Variants in LRP1B observed in about 807,000 individuals in gnomAD.
LRP1B encodes LDL receptor related protein 1B.
A neutral mutation model predicts 556.6 loss-of-function variants in LRP1B; 217 were observed. The ratio of observed to expected loss-of-function variants is 0.39; its 90% CI spans 0.35 to 0.44. The LOEUF is 0.44. LRP1B is among the 20% of genes least tolerant of loss of function. The pLI, the probability that LRP1B is intolerant of heterozygous loss-of-function variation, is 1.00. For synonymous variants in LRP1B, 2,047 were observed against 1,865.8 expected (o/e 1.10, Z -2.50); for missense variants, 5,053 against 5,620.8 (o/e 0.90, Z 3.23).
In LRP1B at chr2:141,853,964, A is replaced by G. The variant is rs1697954123; in HGVS notation, c.83-43563T>C. ...ATCCATGAAGCAATACATGTTTGCA[A>G]GGTTAAGACAGCTACTATGATTACC... is the stretch of plus-strand genomic sequence containing the variant. On this transcript the variant is annotated intron_variant, in intron 1 of 90. Transcript: ENST00000389484. Among the ~76,000 whole-genome samples, 3 of 151,984 alleles carry G rather than the reference A, an allele frequency of 2.0e-5. No individual in the cohort carries two copies. In the South Asian group the frequency reaches 6.2e-4, roughly 31 times the overall value.
chr2:141,651,865 GTTAA>G (rs772790924), intron 2 of LRP1B, among the ~76,000 whole-genome samples: 4 of 152,062 alleles, frequency 2.6e-5, no homozygotes, highest in Admixed American at 6.5e-5. Context: ...TTGGAAATTG[GTTAA>G]TTAAACATTT....
intron 33 of LRP1B, among the ~76,000 whole-genome samples, chr2:140,772,746 G>A (rs995295505): frequency 2.9e-4 from 44 of 152,092 alleles, no homozygotes; most frequent in African/African-American, 8.5e-4. Flanking sequence ...TGAAAGGCTG[G>A]GGAGACATCC....
intron 14 of LRP1B, among the ~76,000 whole-genome samples, chr2:141,012,798 T>C (rs2105384036): frequency 6.6e-6 from 1 of 152,062 alleles, no homozygotes; most frequent in East Asian, 1.9e-4. Context: ...AGGAAATTCA[T>C]AATATAATTT....
chr2:140,743,202 T>C (rs376716138), intron 35 of LRP1B, among the ~76,000 whole-genome samples: 10 of 152,296 alleles, frequency 6.6e-5, no homozygotes, highest in African/African-American at 2.2e-4. Flanking sequence ...AGTGTTTCAC[T>C]ATATTAAATA....
At chr2:140,447,086 A>G (rs958403527) in intron 63 of LRP1B, among the ~76,000 whole-genome samples, 3 of 152,094 alleles carry the variant, frequency 2.0e-5, no homozygotes, top group Non-Finnish European at 4.4e-5. Flanking sequence ...AATTATCAGG[A>G]AAATGCAAAT....
At chr2:141,913,374 T>C (rs1699953437) in intron 1 of LRP1B, among the ~76,000 whole-genome samples, 1 of 152,164 alleles carries the variant, frequency 6.6e-6, no homozygotes, top group South Asian at 2.1e-4. Flanking sequence ...CATAAATGAA[T>C]GTATGTATTT....
intron 66 of LRP1B, among the ~76,000 whole-genome samples, chr2:140,421,041 C>T (rs1025953797): frequency 2.6e-5 from 4 of 152,002 alleles, no homozygotes; most frequent in African/African-American, 4.8e-5. Flanking sequence ...GGATCACCTC[C>T]GGTCAGGAAT....
chr2:140,298,919 T>C (rs978222536), intron 83 of LRP1B, among the ~76,000 whole-genome samples: 3 of 152,002 alleles, frequency 2.0e-5, no homozygotes, highest in African/African-American at 7.2e-5. Flanking sequence ...ATTTCAAAGT[T>C]TGCAAAAATG....
At chr2:141,350,651 C>G (rs1688411819) in intron 3 of LRP1B, among the ~76,000 whole-genome samples, 1 of 152,078 alleles carries the variant, frequency 6.6e-6, no homozygotes, top group African/African-American at 2.4e-5. Flanking sequence ...TCGTATCACT[C>G]ACACTTTGGA....
intron 2 of LRP1B, among the ~76,000 whole-genome samples, chr2:141,772,014 T>C (rs138081851): frequency 0.034 from 5,167 of 152,104 alleles, 284 homozygotes; most frequent in African/African-American, 0.12. Flanking sequence ...AGACGGGGTT[T>C]CACCATGTTG....
chr2:140,240,882 T>G (rs1469193216), intron 87 of LRP1B, among the ~76,000 whole-genome samples: 1 of 151,018 alleles, frequency 6.6e-6, no homozygotes, highest in Non-Finnish European at 1.5e-5. Context: ...AGAACTGTAT[T>G]ATAAATATAT....
chr2:141,681,741 C>CTA (rs1691112661), intron 2 of LRP1B, among the ~76,000 whole-genome samples: 1 of 152,146 alleles, frequency 6.6e-6, no homozygotes. Context: ...AGTCCTGGCA[C>CTA]TATCTATCGT....
intron 2 of LRP1B, among the ~76,000 whole-genome samples, chr2:141,544,386 TCCTCCTCCTCCTC>T (rs1685467533): frequency 5.0e-5 from 4 of 80,310 alleles, no homozygotes; most frequent in Non-Finnish European, 2.8e-5. Context: ...CTTCTTCTCC[TCCTCCTCCTCCTC>T]CTCCTCCTCC....
chr2:141,419,915 T>G (rs1680075421), intron 3 of LRP1B, among the ~76,000 whole-genome samples: 1 of 139,444 alleles, frequency 7.2e-6, no homozygotes, highest in Non-Finnish European at 1.6e-5. Flanking sequence ...ATGTTAATAC[T>G]TATTTTGTGA....
At chr2:140,639,028 T>C (rs1020617724) in intron 41 of LRP1B, among the ~76,000 whole-genome samples, 4 of 152,090 alleles carry the variant, frequency 2.6e-5, no homozygotes, top group Admixed American at 2.6e-4. Flanking sequence ...ATTATTCTTT[T>C]CCCAAGCTGT....
At chr2:140,552,233 T>C (rs1680571220) in intron 43 of LRP1B, among the ~76,000 whole-genome samples, 1 of 152,094 alleles carries the variant, frequency 6.6e-6, no homozygotes, top group Non-Finnish European at 1.5e-5. Context: ...AAATAGACCA[T>C]CAACAAACAT....
intron 35 of LRP1B, among the ~76,000 whole-genome samples, chr2:140,753,180 G>A (rs1231452616): frequency 1.3e-5 from 2 of 152,042 alleles, no homozygotes; most frequent in Non-Finnish European, 2.9e-5. Flanking sequence ...TTCCAGTTTA[G>A]ATCAAAGAAA....
intron 1 of LRP1B, among the ~76,000 whole-genome samples, chr2:141,868,170 T>C (rs543033353): frequency 6.6e-6 from 1 of 152,130 alleles, no homozygotes; most frequent in Non-Finnish European, 1.5e-5. Context: ...CGCAGAAGTT[T>C]TGGTAACTAC....
intron 5 of LRP1B, among the ~76,000 whole-genome samples, chr2:141,238,264 C>G (rs1573696263): frequency 6.6e-6 from 1 of 152,038 alleles, no homozygotes; most frequent in South Asian, 2.1e-4. Flanking sequence ...ACTTTAGCTA[C>G]AGAAAAATAT....
Sources: gnomAD v4.1 joint callset for allele counts (sites outside exome capture counted in the v4.1 genomes callset) on GRCh38, gnomAD v4.1.1 for gene constraint, MANE v1.5 for transcripts, NCBI Gene and HGNC (gene_info 2026-07-23, HGNC 2026-07-21) for gene names.